Variants in ATP8B3 observed in about 807,000 individuals in gnomAD.
The protein encoded by ATP8B3 is ATPase phospholipid transporting 8B3, also known as phospholipid-transporting ATPase IK.
Under a neutral mutation model 140.9 loss-of-function variants are expected in ATP8B3, and 141 were observed. The ratio of observed to expected loss-of-function variants is 1.00; its 90% confidence interval spans 0.87 to 1.15. The LOEUF is 1.15. Ranked by LOEUF, ATP8B3 falls within the 50% of genes most tolerant of loss-of-function variation. ATP8B3 has a pLI of 0.00. For synonymous variants in ATP8B3, 765 were observed against 714.6 expected, an observed-to-expected ratio of 1.07 and a Z score of -1.13; for missense variants, 1,874 against 1,740.6, an observed-to-expected ratio of 1.08 and a Z score of -1.36.
At chr19:1,790,637 T>G (rs1255922885) in intron 21 of ATP8B3, 120 bp downstream of exon 21, 10 of 77,512 alleles carry the variant, frequency 1.3e-4, no homozygotes, top group East Asian at 4.2e-4. Flanking sequence ...TTCCCTCCCC[T>G]CTCAATCCCC....
Position 1,804,331 on chromosome 19 carries a change from C to T in ATP8B3, c.904+1043G>A, listed in dbSNP as rs373854022. Among the ~76,000 whole-genome samples the T allele has an allele frequency of 6.0e-4, 91 of 152,132 alleles. 2 individuals are homozygous for T. Among genetic ancestry groups the T allele is most frequent in the African/African-American group, 1.8e-3 (76 of 41,514 alleles). On this transcript the variant is annotated intron_variant, in intron 10 of 28. Coordinates refer to ENST00000310127, the MANE Select transcript of ATP8B3 (RefSeq NM_138813.4). ...CAATATGATGAAACCCCGTCTCGGCCGGGTGCGGTGGCTCATGCCTGTAAT... is the reference window on the plus strand; with the variant it reads ...CAATATGATGAAACCCCGTCTCGGCTGGGTGCGGTGGCTCATGCCTGTAAT...
chr19:1,802,408 C>CT, intron 11 of ATP8B3, 79 bp downstream of exon 11: 1 of 256,622 alleles, frequency 3.9e-6, no homozygotes. Context: ...CACCCACCTA[C>CT]CCACCCACCC....
In ATP8B3 at chr19:1,806,498, T is replaced by A; in HGVS notation, c.677+130A>T. On this transcript the variant is annotated intron_variant, in intron 7 of 28. Transcript: ENST00000310127. This position sits in a 1 kb window ranked among gnomAD's most constrained non-coding sequence, Gnocchi z 5.6. Reference sequence around the variant, plus strand: ...AAACGCCTAATGAATGCAGGCCCGGTTCCTGTCGGACTCAACCAGCCGGGA... The same window carrying A: ...AAACGCCTAATGAATGCAGGCCCGGATCCTGTCGGACTCAACCAGCCGGGA... 1 of 1,492,702 alleles carries A rather than the reference T, an allele frequency of 6.7e-7. No homozygotes were observed. The highest frequency in any genetic ancestry group is 2.5e-5 in the East Asian group (1 of 40,590). 92.5% of individuals were successfully genotyped at this position (1,492,702 alleles called of 1,614,324 possible). A position where few individuals can be genotyped will look rare whatever the true frequency, so the allele number is the denominator to read the frequency against.
At chr19:1,804,741 G>T (rs1006087314) in intron 10 of ATP8B3, among the ~76,000 whole-genome samples, 1 of 152,192 alleles carries the variant, frequency 6.6e-6, no homozygotes, top group South Asian at 2.1e-4. Context: ...GGGAGGCAGA[G>T]GTTGCAGTGA....
chr19:1,787,137 G>C lies in ATP8B3; in HGVS notation c.3119C>G (p.Thr1040Ser). ...GAGCCCAATGTAGAGAACTGGCAGG[G>C]TGCTGTACAGGAGGTTGAAAAGAGC... ...FLALFNLLYS[T>S]LPVLYIGLFE... Residue 1040 changes from threonine (T) to serine (S), a missense_variant, in exon 25 of 29, where the codon ACC (threonine) becomes AGC (serine). This residue lies in a region of ATP8B3 where 840 missense variants were observed against 760.9 expected (regional missense o/e 1.10). Transcript: ENST00000310127. 1 of 1,610,598 alleles carries C rather than the reference G, an allele frequency of 6.2e-7. No individual in the cohort carries two copies. Among genetic ancestry groups the C allele is most frequent in the Non-Finnish European group, 8.5e-7 (1 of 1,178,390 alleles).
At position 1,806,718 on chromosome 19, in the gene ATP8B3, A is replaced by G. The variant is rs1323248674; in HGVS notation, c.616-29T>C. 1.3e-6 allele frequency: 2 copies of G among 1,551,926 alleles called. 1 individual carries two copies. The highest frequency in any genetic ancestry group is 2.4e-5 in the South Asian group (2 of 84,188). ...GGCCAGGAGGGAAAGGATCAGAGAG[A>G]CCGTCCAGCCTCTCCTGCCCCCGCC... On this transcript the variant is annotated intron_variant, in intron 6 of 28. Coordinates refer to ENST00000310127, the MANE Select transcript of ATP8B3 (RefSeq NM_138813.4). The surrounding 1 kb of genome is among the most constrained non-coding windows in gnomAD (Gnocchi z 5.6).
In ATP8B3 at chr19:1,796,228, C is replaced by A; in HGVS notation, c.1791G>T (p.Gly597=). The A allele has an allele frequency of 6.2e-7, 1 of 1,612,508 alleles. No homozygotes were observed. Among genetic ancestry groups the A allele is most frequent in the Admixed American group, 1.7e-5 (1 of 59,986 alleles). ...AGTTCCGGGCTGCGGTGACCAGCGC[C>A]CCCTCGTCGGGGGAGGCCGCCTGGT... ...LLYQAASPDE[G]ALVTAARNFG... Residue 597 remains glycine (G), a synonymous_variant, in exon 17 of 29, where the codon GGG becomes GGT. Coordinates refer to ENST00000310127, the MANE Select transcript of ATP8B3 (RefSeq NM_138813.4).
Position 1,805,402 on chromosome 19 carries a change from G to T in ATP8B3, c.876C>A (p.Ala292=). 1 of 1,569,156 alleles carries T rather than the reference G, an allele frequency of 6.4e-7. No individual in the cohort carries two copies. Among genetic ancestry groups the T allele is most frequent in the Non-Finnish European group, 8.7e-7 (1 of 1,154,818 alleles). The change falls in exon 10 of 29, where the codon GCC becomes GCA. Residue 292 remains alanine, a synonymous_variant. Transcript: ENST00000310127. This position sits in a 1 kb window ranked among gnomAD's most constrained non-coding sequence, Gnocchi z 5.2. ...GAAAGGACGCCATCTTCTTTATAGTGGCCAGTTCTTTGTGGGTGACCATCA... is the reference window on the plus strand; with the variant it reads ...GAAAGGACGCCATCTTCTTTATAGTTGCCAGTTCTTTGTGGGTGACCATCA... ...QALMVTHKEL[A]TIKKMASFQG...
chr19:1,802,636 G>A lies in ATP8B3; in HGVS notation c.914C>T (p.Thr305Met), dbSNP rs554864786. The change falls in exon 11 of 29, where the codon ACG becomes ATG. Residue 305 changes from threonine to methionine, a missense_variant. Transcript: ENST00000310127. ...KKMASFQGTVTCEAPNSRMHH... is the reference protein window; with the variant it reads ...KKMASFQGTVMCEAPNSRMHH... ...CATCCGACTGTTAGGCGCCTCACAC[G>A]TCACTGTGCCTGTGGGTGGCCAGGT... 29 of 1,609,592 alleles carry A rather than the reference G, an allele frequency of 1.8e-5. No individual in the cohort carries two copies. Among genetic ancestry groups the A allele is most frequent in the Admixed American group, 6.7e-5 (4 of 59,592 alleles).
Position 1,785,207 on chromosome 19 carries a change from G to C in ATP8B3, c.3484C>G (p.Gln1162Glu), listed in dbSNP as rs2068265850. Residue 1162 changes from glutamine (Q) to glutamate (E), a missense_variant, in exon 27 of 29, where the codon CAG becomes GAG. Transcript: ENST00000310127. ...GATACTCTGAAGAGCCAGAAGCTCTGGGTGGTGGTAGTCATGATGGCGTAG... is the reference window on the plus strand; with the variant it reads ...GATACTCTGAAGAGCCAGAAGCTCTCGGTGGTGGTAGTCATGATGGCGTAG... ...GFYAIMTTTTQSFWLFRVSPT... is the reference protein window; with the variant it reads ...GFYAIMTTTTESFWLFRVSPT... The C allele has an allele frequency of 1.2e-6, 2 of 1,605,630 alleles. No individual in the cohort carries two copies. Among genetic ancestry groups the C allele is most frequent in the African/African-American group, 1.3e-5 (1 of 74,944 alleles).
chr19:1,805,719 T>C lies in ATP8B3; in HGVS notation c.821+169A>G, dbSNP rs1004635509. ...GGAAACAATGGGGAGGGTGGGCGTC[T>C]TCCTCCCCTCAGTGCCTGGCAGCAC... On this transcript the variant is annotated intron_variant, in intron 9 of 28. Transcript: ENST00000310127. This position sits in a 1 kb window ranked among gnomAD's most constrained non-coding sequence, Gnocchi z 5.2. Among the ~76,000 whole-genome samples the C allele has an allele frequency of 6.6e-6, 1 of 152,052 alleles. No individual in the cohort carries two copies. The highest frequency in any genetic ancestry group is 2.4e-5 in the African/African-American group (1 of 41,438).
chr19:1,806,172 G>T lies in ATP8B3; in HGVS notation c.678-3C>A, dbSNP rs779678890. On this transcript the variant is annotated splice_region_variant and splice_polypyrimidine_tract_variant and intron_variant, in intron 7 of 28. Coordinates refer to ENST00000310127, the MANE Select transcript of ATP8B3 (RefSeq NM_138813.4). The surrounding 1 kb of genome is among the most constrained non-coding windows in gnomAD (Gnocchi z 5.6). ...CCTGCCATTTCTTCTGCTTGAAGCT[G>T]CGGGGAGAGGGGGTTGTGAAGGAGG... is the stretch of plus-strand genomic sequence containing the variant. The T allele has an allele frequency of 1.0e-5, 16 of 1,587,404 alleles. No homozygotes were observed. The South Asian group carries it at 1.5e-4, about 15-fold the overall frequency.
At position 1,806,400 on chromosome 19, in the gene ATP8B3, C is replaced by T; in HGVS notation, c.677+228G>A. 4.2e-6 allele frequency: 6 copies of T among 1,443,882 alleles called. No homozygotes were observed. The highest frequency in any genetic ancestry group is 5.4e-6 in the Non-Finnish European group (6 of 1,105,318). 89.4% of individuals were successfully genotyped at this position (1,443,882 alleles called of 1,614,324 possible). A position where few individuals can be genotyped will look rare whatever the true frequency, so the allele number is the denominator to read the frequency against. ...ACGTCCTCTTCAGACTTTCCTTGTC[C>T]TCCCCATCGCCCGAGCCCTAAGCTC... On this transcript the variant is annotated intron_variant, in intron 7 of 28. Coordinates refer to ENST00000310127, the MANE Select transcript of ATP8B3 (RefSeq NM_138813.4). The surrounding 1 kb of genome is among the most constrained non-coding windows in gnomAD (Gnocchi z 5.6).
intron 11 of ATP8B3, 33 bp downstream of exon 11, chr19:1,802,454 A>G (rs2068883031): frequency 1.4e-6 from 2 of 1,478,136 alleles, no homozygotes; most frequent in African/African-American, 2.1e-5. Context: ...CCATCAGTAC[A>G]GCTCCCACTC....
rs750137726 is a variant in ATP8B3, at chr19:1,806,585, C to T, written c.677+43G>A. On this transcript the variant is annotated intron_variant, in intron 7 of 28. Transcript: ENST00000310127. The surrounding 1 kb of genome is among the most constrained non-coding windows in gnomAD (Gnocchi z 5.6). ...GGCCGATGACCCTGCTGGGCTGGAGCCCCCGTGTCCCCGCGGATCCCCAGC... is the reference window on the plus strand; with the variant it reads ...GGCCGATGACCCTGCTGGGCTGGAGTCCCCGTGTCCCCGCGGATCCCCAGC... The T allele has an allele frequency of 2.6e-6, 4 of 1,548,846 alleles. No individual in the cohort carries two copies. The South Asian group carries it at 3.6e-5, about 14-fold the overall frequency.
Position 1,811,377 on chromosome 19 carries a change from A to G in ATP8B3, c.248+112T>C, listed in dbSNP as rs369322511. 1.7e-3 allele frequency: 2,463 copies of G among 1,436,018 alleles called. 38 individuals are homozygous for G. The African/African-American group carries it at 0.03, about 18-fold the overall frequency. 89.0% of individuals were successfully genotyped at this position (1,436,018 alleles called of 1,614,324 possible). A position where few individuals can be genotyped will look rare whatever the true frequency, so the allele number is the denominator to read the frequency against. ...GGTTTGGCCCCCTATGAGGATGGGCAAACCACCCCTAGACGCCAGCAACTG... is the reference window on the plus strand; with the variant it reads ...GGTTTGGCCCCCTATGAGGATGGGCGAACCACCCCTAGACGCCAGCAACTG... On this transcript the variant is annotated intron_variant, in intron 2 of 28. Transcript: ENST00000310127.
chr19:1,785,564 T>C lies in ATP8B3; in HGVS notation c.3298A>G (p.Ile1100Val), dbSNP rs1003235857. The change falls in exon 26 of 29, where the codon ATC becomes GTC. Residue 1100 changes from isoleucine to valine, a missense_variant. Around this residue, in one of 3 missense-constraint regions of ATP8B3, gnomAD observed 840 missense variants for 760.9 expected, o/e 1.10. Coordinates refer to ENST00000310127, the MANE Select transcript of ATP8B3 (RefSeq NM_138813.4). ...GCGGGTCCCGCCGTGTCGCGGCTGA[T>C]CCACAGTGTCATGAAGAAGTTGACC... The part of the protein sequence containing the change: ...SLVNFFMTLW[I>V]SRDTAGPASF... The C allele has an allele frequency of 6.2e-7, 1 of 1,613,024 alleles. No homozygotes were observed. The highest frequency in any genetic ancestry group is 1.1e-5 in the South Asian group (1 of 91,086).
intron 10 of ATP8B3, among the ~76,000 whole-genome samples, chr19:1,804,083 G>C (rs891517768): frequency 1.3e-5 from 2 of 152,058 alleles, no homozygotes; most frequent in Admixed American, 6.6e-5. Flanking sequence ...CAATTAGAGT[G>C]ACTCTCCTTC....
intron 5 of ATP8B3, 106 bp downstream of exon 5, chr19:1,808,116 C>A: frequency 2.3e-6 from 2 of 884,894 alleles, no homozygotes; most frequent in South Asian, 1.5e-5. Context: ...CGCTGAGGGT[C>A]CCAGTCTGTG....
Sources: gnomAD v4.1 joint callset for allele counts (sites outside exome capture counted in the v4.1 genomes callset) on GRCh38, gnomAD v4.1.1 for gene constraint, gnomAD v4.1.1 regional missense constraint, Gnocchi (gnomAD v3.1) non-coding constraint, MANE v1.5 for transcripts, NCBI Gene and HGNC (gene_info 2026-07-23, HGNC 2026-07-21) for gene names.